CAMKK2: variants seen among roughly 807,000 people sequenced by gnomAD.
CAMKK2 encodes calcium/calmodulin-dependent protein kinase kinase 2.
Under a neutral mutation model 67.2 loss-of-function variants are expected in CAMKK2, and 30 were observed. That is an observed-to-expected ratio of 0.45 (90% CI 0.33 to 0.61). The LOEUF (loss-of-function observed/expected upper bound fraction) is 0.61, where lower values mean the gene tolerates loss of function less well. CAMKK2 is among the 20% of genes least tolerant of loss of function. The pLI is 0.02. For missense variants in CAMKK2, 643 were observed against 802.0 expected (o/e 0.80, Z 2.39); for synonymous variants, 322 against 326.2 (o/e 0.99, Z 0.14).
intron 1 of CAMKK2, among the ~76,000 whole-genome samples, chr12:121,274,921 T>C (rs1021574878): frequency 6.6e-6 from 1 of 150,762 alleles, no homozygotes; most frequent in South Asian, 2.1e-4. Flanking sequence ...GATCCTCCCA[T>C]CTCAGCCTCC....
In CAMKK2 at chr12:121,260,341, G is replaced by A. The variant is rs761381425; in HGVS notation, c.774C>T (p.Pro258=). The A allele has an allele frequency of 1.2e-6, 2 of 1,611,482 alleles. No individual in the cohort carries two copies. Among genetic ancestry groups the A allele is most frequent in the Non-Finnish European group, 1.7e-6 (2 of 1,179,242 alleles). The stretch of plus-strand genomic sequence containing the variant: ...TACCCATGTACAGATGGTCCTCATT[G>A]GGGTCATCCAGGACCTTGGCACAGC... ...VVKLVEVLDD[P]NEDHLYMVFE... The change falls in exon 7 of 17, where the codon CCC becomes CCT. Residue 258 remains proline, a synonymous_variant. Coordinates refer to ENST00000404169, the MANE Select transcript of CAMKK2 (RefSeq NM_001270485.2).
At chr12:121,286,343 G>A (rs545209480) in intron 1 of CAMKK2, among the ~76,000 whole-genome samples, 57 of 152,336 alleles carry the variant, frequency 3.7e-4, no homozygotes, top group African/African-American at 1.4e-3. Flanking sequence ...AAAACATCAA[G>A]GATGGGGCAG....
At chr12:121,263,675 C>G (rs952075228) in intron 6 of CAMKK2, 131 bp downstream of exon 6, 1 of 630,716 alleles carries the variant, frequency 1.6e-6, no homozygotes, top group South Asian at 3.9e-5. Context: ...TCTTAGGGAG[C>G]AGTAAATACA....
At chr12:121,255,365 ATT>A (rs1353553478) in intron 9 of CAMKK2, among the ~76,000 whole-genome samples, 183 bp downstream of exon 9, 4 of 23,608 alleles carry the variant, frequency 1.7e-4, no homozygotes, top group Admixed American at 6.7e-4. Flanking sequence ...TATATATATA[ATT>A]TTATATATAT....
chr12:121,270,008 C>G (rs1895423735), intron 3 of CAMKK2: 1 of 160,980 alleles, frequency 6.2e-6, no homozygotes, highest in Non-Finnish European at 1.4e-5. Context: ...AAGATTTCGG[C>G]ACTGTACTCC....
chr12:121,241,966 G>A (rs1379329828), intron 16 of CAMKK2, among the ~76,000 whole-genome samples: 1 of 152,202 alleles, frequency 6.6e-6, no homozygotes, highest in Non-Finnish European at 1.5e-5. Context: ...GGGATCCCAG[G>A]TGAAGAAAGG....
Position 121,240,953 on chromosome 12 carries a change from C to T in CAMKK2, c.1597-84G>A. On this transcript the variant is annotated intron_variant, in intron 16 of 16. Coordinates refer to ENST00000404169, the MANE Select transcript of CAMKK2 (RefSeq NM_001270485.2). This position sits in a 1 kb window ranked among gnomAD's most constrained non-coding sequence, Gnocchi z 4.4. Reference sequence around the variant, plus strand: ...GCCAGCTGCTCCCACATCTGGGCCCCCTGCCCAAGTGGGCCGTCGCGCACC... The same window carrying T: ...GCCAGCTGCTCCCACATCTGGGCCCTCTGCCCAAGTGGGCCGTCGCGCACC... 7.0e-7 allele frequency: 1 copy of T among 1,435,056 alleles called. No homozygotes were observed. Among genetic ancestry groups the T allele is most frequent in the Non-Finnish European group, 9.6e-7 (1 of 1,044,002 alleles). The allele number at this position is 1,435,056 out of a possible 1,614,324, so 88.9% of individuals were successfully genotyped here. A position where few individuals can be genotyped will look rare whatever the true frequency, so the allele number is the denominator to read the frequency against.
intron 15 of CAMKK2, among the ~76,000 whole-genome samples, chr12:121,244,919 C>T (rs916384742): frequency 6.6e-6 from 1 of 152,224 alleles, no homozygotes; most frequent in Non-Finnish European, 1.5e-5. Context: ...TGCAAGTTCC[C>T]GAGAAAGGTA....
Position 121,240,723 on chromosome 12 carries a change from C to T in CAMKK2, c.1743G>A (p.Pro581=), listed in dbSNP as rs199629186. Residue 581 remains proline (P), a synonymous_variant, in exon 17 of 17, where the codon CCG becomes CCA. Transcript: ENST00000404169. The surrounding 1 kb of genome is among the most constrained non-coding windows in gnomAD (Gnocchi z 4.4). ...GCTACTCGGGCTCCATGGCCTCCTCCGGCCGCAGTGGATGCATGCGTGCGG... is the reference window on the plus strand; with the variant it reads ...GCTACTCGGGCTCCATGGCCTCCTCTGGCCGCAGTGGATGCATGCGTGCGG... ...GSPARMHPLR[P]EEAMEPE 378 of 1,606,624 alleles carry T rather than the reference C, an allele frequency of 2.4e-4. No homozygotes were observed. Among genetic ancestry groups the T allele is most frequent in the Non-Finnish European group, 3.1e-4 (368 of 1,178,600 alleles).
At chr12:121,261,058 T>C (rs1361600422) in intron 6 of CAMKK2, among the ~76,000 whole-genome samples, 3 of 151,864 alleles carry the variant, frequency 2.0e-5, no homozygotes, top group Admixed American at 1.3e-4. Flanking sequence ...AGCCTCCCCA[T>C]TGCCCCTAAC....
chr12:121,288,523 C>G (rs1378381836), intron 1 of CAMKK2, among the ~76,000 whole-genome samples: 3 of 152,170 alleles, frequency 2.0e-5, no homozygotes, highest in Non-Finnish European at 4.4e-5. Flanking sequence ...AAGGCAATAC[C>G]CCAAAGCACA....
intron 14 of CAMKK2, among the ~76,000 whole-genome samples, chr12:121,246,987 C>T (rs748472808): frequency 8.5e-5 from 13 of 152,144 alleles, no homozygotes; most frequent in Non-Finnish European, 1.6e-4. Context: ...CCAGTATCTA[C>T]CCGCCCATCC....
At chr12:121,243,982 C>T (rs918046044) in intron 16 of CAMKK2, 24 of 1,504,308 alleles carry the variant, frequency 1.6e-5, no homozygotes, top group Admixed American at 2.2e-5. Flanking sequence ...GGACACAAAG[C>T]CTCATCTGTC....
rs1208183405 is a variant in CAMKK2 at position 121,267,171 on chromosome 12, G to A, written c.625+1467C>T. 3.8e-5 allele frequency among the ~76,000 whole-genome samples: 5 copies of A among 133,184 alleles called. No individual in the cohort carries two copies. In the South Asian group the frequency reaches 7.5e-4, roughly 20 times the overall value. 87.4% of individuals were successfully genotyped at this position (133,184 alleles called of 152,430 possible). A position where few individuals can be genotyped will look rare whatever the true frequency, so the allele number is the denominator to read the frequency against. On this transcript the variant is annotated intron_variant, in intron 5 of 16. Transcript: ENST00000404169. ...GTCGTCCAGGCTGGAGTGCAGTGGC[G>A]CAATCTCAGCTCACTCCAACCTCCG... is the stretch of plus-strand genomic sequence containing the variant.
intron 6 of CAMKK2, among the ~76,000 whole-genome samples, chr12:121,262,644 G>C (rs773119225): frequency 5.3e-5 from 8 of 151,876 alleles, no homozygotes; most frequent in African/African-American, 1.9e-4. Flanking sequence ...CTGTAGCCTC[G>C]AACTCCTGGG....
intron 1 of CAMKK2, among the ~76,000 whole-genome samples, chr12:121,277,603 C>T (rs540692779): frequency 3.9e-5 from 6 of 152,236 alleles, no homozygotes; most frequent in Admixed American, 2.0e-4. Flanking sequence ...TGAAGACATA[C>T]GCTAAGTGAA....
chr12:121,294,018 C>T (rs1336302645), intron 1 of CAMKK2, among the ~76,000 whole-genome samples: 2 of 152,280 alleles, frequency 1.3e-5, no homozygotes, highest in African/African-American at 4.8e-5. Flanking sequence ...CTGCAACCTC[C>T]GCCTTCCAGG....
At position 121,245,914 on chromosome 12, in the gene CAMKK2, A is replaced by G. The variant is rs985785998; in HGVS notation, c.1453-674T>C. On this transcript the variant is annotated intron_variant, in intron 14 of 16. Transcript: ENST00000404169. This position sits in a 1 kb window ranked among gnomAD's most constrained non-coding sequence, Gnocchi z 5.8. ...AAGCGGTCTGTCTGTGCAATGGAAC[A>G]TGATTCAGCCATAAGGAGTGAAGCA... Among the ~76,000 whole-genome samples the G allele has an allele frequency of 6.6e-6, 1 of 152,246 alleles. No homozygotes were observed. Among genetic ancestry groups the G allele is most frequent in the Non-Finnish European group, 1.5e-5 (1 of 68,048 alleles).
rs550439294 is a variant in CAMKK2, at chr12:121,240,702, C to T, written c.1764G>A (p.Glu588=). Residue 588 remains glutamate, a synonymous_variant, in exon 17 of 17, where the codon GAG becomes GAA. Transcript: ENST00000404169. This position sits in a 1 kb window ranked among gnomAD's most constrained non-coding sequence, Gnocchi z 4.4. The stretch of plus-strand genomic sequence containing the variant: ...CGAGGTCGAGCGATCCAGGCAGCTA[C>T]TCGGGCTCCATGGCCTCCTCCGGCC... ...PLRPEEAMEP[E] The T allele has an allele frequency of 1.1e-5, 17 of 1,599,996 alleles. No homozygotes were observed. The South Asian group carries it at 1.8e-4, about 17-fold the overall frequency.
Sources: allele counts gnomAD v4.1 joint callset (sites outside exome capture counted in the v4.1 genomes callset), GRCh38; gene constraint gnomAD v4.1.1; non-coding constraint Gnocchi (gnomAD v3.1); transcripts MANE v1.5; gene names NCBI Gene and HGNC (gene_info 2026-07-23, HGNC 2026-07-21).